The following USP7 variants were observed in gnomAD, a reference collection of about 807,000 sequenced individuals.
The protein encoded by USP7 is ubiquitin C-terminal hydrolase 7.
In USP7, 9 loss-of-function variants were observed where a neutral mutation model predicts 162.9. That is an observed-to-expected ratio of 0.06 (90% CI 0.03 to 0.10). The LOEUF (loss-of-function observed/expected upper bound fraction) is 0.10, where lower values mean the gene tolerates loss of function less well. Ranked by LOEUF, USP7 falls within the 10% of genes least tolerant of loss-of-function variation. USP7 has a pLI of 1.00. For missense variants in USP7, 715 were observed against 1,373.7 expected, an observed-to-expected ratio of 0.52 and a Z score of 7.58; for synonymous variants, 562 against 475.9, an observed-to-expected ratio of 1.18 and a Z score of -2.35.
chr16:8,921,105 A>C, intron 4 of USP7, 52 bp downstream of exon 4: 1 of 1,564,118 alleles, frequency 6.4e-7, no homozygotes, highest in Non-Finnish European at 8.7e-7. Flanking sequence ...AAGTTAAGGG[A>C]ACAACAAGCA....
intron 19 of USP7, 25 bp from the exon 20 acceptor site, chr16:8,901,082 T>C (rs370654731): frequency 1.9e-6 from 3 of 1,613,836 alleles, no homozygotes; most frequent in Admixed American, 1.7e-5. Flanking sequence ...ATATTTTAAA[T>C]GTGTAGCTGT....
chr16:8,956,847 C>G (rs1300990658), intron 1 of USP7, among the ~76,000 whole-genome samples: 1 of 152,154 alleles, frequency 6.6e-6, no homozygotes, highest in Non-Finnish European at 1.5e-5. Flanking sequence ...AGCCCCCCCG[C>G]AGGCAGTGCC....
intron 7 of USP7, 136 bp downstream of exon 7, chr16:8,916,890 C>G: frequency 9.9e-7 from 1 of 1,013,092 alleles, no homozygotes. Flanking sequence ...AGCACTGACA[C>G]GATTAAATGC....
intron 15 of USP7, 92 bp downstream of exon 15, chr16:8,904,343 T>A: frequency 6.4e-7 from 1 of 1,550,998 alleles, no homozygotes; most frequent in African/African-American, 1.4e-5. Flanking sequence ...GACCTGGGAG[T>A]CCCAGAGGGG....
At chr16:8,901,288 TAAAAAACA>T (rs2061769673) in intron 18 of USP7, 54 bp from the exon 19 acceptor site, 6 of 1,219,306 alleles carry the variant, frequency 4.9e-6, no homozygotes, top group East Asian at 2.4e-5. Flanking sequence ...GCACAATGCT[TAAAAAACA>T]AAAAAACAAA....
chr16:8,897,365 T>A lies in USP7; in HGVS notation c.2719-266A>T. ...GAAGCCTGTCATTTACAGAACACCT[T>A]CTCAGGAAATGGTCCCGAGGGGTCA... is the stretch of plus-strand genomic sequence containing the variant. On this transcript the variant is annotated intron_variant, in intron 25 of 30. Coordinates refer to ENST00000344836, the MANE Select transcript of USP7 (RefSeq NM_003470.3). 6 of 419,714 alleles carry A rather than the reference T, an allele frequency of 1.4e-5. No individual in the cohort carries two copies. The South Asian group carries it at 2.0e-4, about 14-fold the overall frequency. The allele number at this position is 419,714 out of a possible 1,614,324, so 26.0% of individuals were successfully genotyped here.
chr16:8,932,037 A>C (rs1271664841), intron 1 of USP7, among the ~76,000 whole-genome samples: 1 of 152,118 alleles, frequency 6.6e-6, no homozygotes, highest in Non-Finnish European at 1.5e-5. Flanking sequence ...CTGATTCAGC[A>C]CCACGGACAG....
chr16:8,920,106 T>C (rs1028320797), intron 5 of USP7, among the ~76,000 whole-genome samples: 1 of 152,238 alleles, frequency 6.6e-6, no homozygotes, highest in Non-Finnish European at 1.5e-5. Context: ...GTGTACATTC[T>C]TTAGGAACAG....
At chr16:8,911,664 A>C (rs1346979859) in intron 10 of USP7, among the ~76,000 whole-genome samples, 3 of 152,244 alleles carry the variant, frequency 2.0e-5, no homozygotes, top group Non-Finnish European at 4.4e-5. Flanking sequence ...AGGCAAACCC[A>C]GACAGAGCCA....
At position 8,916,491 on chromosome 16, in the gene USP7, T is replaced by G. The variant is rs1897376043; in HGVS notation, c.906+11A>C. ...ATTGTAAGAAATATACAAGTATTGC[T>G]TGAAACTTACCACTCGACAAAGCTC... On this transcript the variant is annotated intron_variant, in intron 8 of 30. Coordinates refer to ENST00000344836, the MANE Select transcript of USP7 (RefSeq NM_003470.3). 6.2e-7 allele frequency: 1 copy of G among 1,608,056 alleles called. No individual in the cohort carries two copies. Among genetic ancestry groups the G allele is most frequent in the South Asian group, 1.1e-5 (1 of 89,276 alleles).
chr16:8,911,102 C>A (rs763820833), intron 10 of USP7, among the ~76,000 whole-genome samples: 1 of 152,208 alleles, frequency 6.6e-6, no homozygotes, highest in Non-Finnish European at 1.5e-5. Context: ...AAAGCACATA[C>A]TGTAAAGCTA....
intron 21 of USP7, chr16:8,900,010 T>C (rs960230284): frequency 3.6e-6 from 2 of 555,702 alleles, no homozygotes; most frequent in East Asian, 3.1e-5. Flanking sequence ...CAAAACCCCC[T>C]TAGGTAACAG....
intron 13 of USP7, among the ~76,000 whole-genome samples, chr16:8,906,133 G>C (rs560183861): frequency 7.2e-5 from 11 of 152,322 alleles, no homozygotes; most frequent in Middle Eastern, 3.4e-3. Flanking sequence ...CACCGCATGG[G>C]TAATTATCCC....
chr16:8,900,740 C>T, intron 20 of USP7, 110 bp from the exon 21 acceptor site: 1 of 796,140 alleles, frequency 1.3e-6, no homozygotes, highest in Admixed American at 3.2e-5. Flanking sequence ...TTCTATCCAC[C>T]TTTTAAGTTA....
At position 8,910,831 on chromosome 16, in the gene USP7, T is replaced by C; in HGVS notation, c.1079-4A>G. On this transcript the variant is annotated splice_polypyrimidine_tract_variant and splice_region_variant and intron_variant, in intron 10 of 30. Transcript: ENST00000344836. ...TAATCCACAAATGATTCAAATACTT[T>C]AAAGAGAGAGAGAGAAAAGTCAAGT... The C allele has an allele frequency of 1.2e-6, 2 of 1,612,756 alleles. No individual in the cohort carries two copies. Among genetic ancestry groups the C allele is most frequent in the Non-Finnish European group, 1.7e-6 (2 of 1,179,246 alleles).
At chr16:8,949,930 G>A (rs1181720975) in intron 1 of USP7, among the ~76,000 whole-genome samples, 1 of 152,160 alleles carries the variant, frequency 6.6e-6, no homozygotes, top group Non-Finnish European at 1.5e-5. Context: ...GAGGTCTAAC[G>A]GTTGCTATCC....
Position 8,902,556 on chromosome 16 carries a change from T to G in USP7, c.1840-74A>C. ...TAGTCCTCTATATTACACACACATATGTATATACATATACATATATATATA... is the reference window on the plus strand; with the variant it reads ...TAGTCCTCTATATTACACACACATAGGTATATACATATACATATATATATA... On this transcript the variant is annotated intron_variant, in intron 16 of 30. Coordinates refer to ENST00000344836, the MANE Select transcript of USP7 (RefSeq NM_003470.3). 1.1e-5 allele frequency: 13 copies of G among 1,159,808 alleles called. No individual in the cohort carries two copies. In the South Asian group the frequency reaches 1.6e-4, roughly 15 times the overall value. 71.8% of individuals were successfully genotyped at this position (1,159,808 alleles called of 1,614,324 possible).
intron 1 of USP7, among the ~76,000 whole-genome samples, chr16:8,939,580 AG>A (rs1175004628): frequency 2.6e-5 from 4 of 152,262 alleles, no homozygotes; most frequent in African/African-American, 9.6e-5. Context: ...GCAACAATGC[AG>A]ACATAGATAA....
At chr16:8,903,992 A>G (rs2061819955) in intron 15 of USP7, among the ~76,000 whole-genome samples, 1 of 151,992 alleles carries the variant, frequency 6.6e-6, no homozygotes. Context: ...CCTTTCTCCA[A>G]CCCCCTCAGT....
Sources: allele counts gnomAD v4.1 joint callset (sites outside exome capture counted in the v4.1 genomes callset), GRCh38; gene constraint gnomAD v4.1.1; transcripts MANE v1.5; gene names NCBI Gene and HGNC (gene_info 2026-07-23, HGNC 2026-07-21).